ANPEP: variants seen among roughly 807,000 people sequenced by gnomAD.
ANPEP encodes aminopeptidase N.
ANPEP carries 70 observed loss-of-function variants against 114.6 expected under a neutral mutation model. That is an observed-to-expected ratio of 0.61 (90% CI 0.50 to 0.75). ANPEP has a LOEUF of 0.75. ANPEP is among the 30% of genes least tolerant of loss of function. The probability of loss-of-function intolerance (pLI) is 0.00; values close to 1 mark genes in which losing one functional copy is unlikely to be tolerated. For synonymous variants in ANPEP, 548 were observed against 522.3 expected, an observed-to-expected ratio of 1.05 and a Z score of -0.67; for missense variants, 1,184 against 1,259.5, an observed-to-expected ratio of 0.94 and a Z score of 0.91.
chr15:89,801,096 G>A lies in ANPEP; in HGVS notation c.1819+15C>T, dbSNP rs768291359. On this transcript the variant is annotated intron_variant, in intron 12 of 20. Transcript: ENST00000300060. Reference sequence around the variant, plus strand: ...TGGGGTGGGGGCTGCTGCCCATAAGGCAGGGCTGGATTACCTCTTACATCT... The same window carrying A: ...TGGGGTGGGGGCTGCTGCCCATAAGACAGGGCTGGATTACCTCTTACATCT... 2.5e-6 allele frequency: 4 copies of A among 1,612,722 alleles called. No homozygotes were observed. In the South Asian group the frequency reaches 4.4e-5, roughly 18 times the overall value.
At chr15:89,813,996 G>GGT (rs576314023) in intron 1 of ANPEP, among the ~76,000 whole-genome samples, 10,082 of 145,164 alleles carry the variant, frequency 0.069, 809 homozygotes, top group East Asian at 0.31. Context: ...ACTGCTGGGG[G>GGT]GGGGGGGTGC....
rs746242192 is a variant in ANPEP at position 89,792,206 on chromosome 15, G to C, written c.2482C>G (p.Leu828Val). ...NATLVNEADK[L>V]RAALACSKEL... ...TTGCTGCAGGCCAGGGCTGCCCGGA[G>C]CTTGTCAGCCTCATTGACCAGTGTG... Residue 828 changes from leucine (L) to valine (V), a missense_variant, in exon 18 of 21, where the codon CTC (leucine) becomes GTC (valine). Physicochemically the swap from Leu to Val is conservative, Grantham distance 32. Transcript: ENST00000300060. The C allele has an allele frequency of 1.2e-6, 2 of 1,614,232 alleles. No individual in the cohort carries two copies. The highest frequency in any genetic ancestry group is 1.1e-5 in the South Asian group (1 of 91,086).
At chr15:89,807,377 CAT>C (rs1290771062) in intron 1 of ANPEP, among the ~76,000 whole-genome samples, 1 of 152,178 alleles carries the variant, frequency 6.6e-6, no homozygotes, top group Non-Finnish European at 1.5e-5. Flanking sequence ...AGTGAGAAAA[CAT>C]ATTAAACACC....
Position 89,785,218 on chromosome 15 carries a change from G to T in ANPEP, c.*131C>A, listed in dbSNP as rs566786588. ...TGGCTCACAGGCAGAGAGAACGTGGGCTGGAGACTTTGTCCTTGAGGGGAG... is the reference window on the plus strand; with the variant it reads ...TGGCTCACAGGCAGAGAGAACGTGGTCTGGAGACTTTGTCCTTGAGGGGAG... On this transcript the variant is annotated 3_prime_UTR_variant, in exon 21 of 21. Transcript: ENST00000300060. 3.4e-4 allele frequency: 412 copies of T among 1,226,528 alleles called. 7 individuals are homozygous for T. The South Asian group carries it at 5.6e-3, about 17-fold the overall frequency. The allele number at this position is 1,226,528 out of a possible 1,614,324, so 76.0% of individuals were successfully genotyped here.
chr15:89,803,942 C>G lies in ANPEP; in HGVS notation c.1240G>C (p.Ala414Pro). ...GCACCCAGGTACTCCACGTAGGAGGCGAAGCCCTCGTTCAGCCACAGGTCA... is the reference window on the plus strand; with the variant it reads ...GCACCCAGGTACTCCACGTAGGAGGGGAAGCCCTCGTTCAGCCACAGGTCA... ...WNDLWLNEGFASYVEYLGADY... is the reference protein window; with the variant it reads ...WNDLWLNEGFPSYVEYLGADY... Residue 414 changes from alanine to proline, a missense_variant, in exon 7 of 21, where the codon GCC becomes CCC. Coordinates refer to ENST00000300060, the MANE Select transcript of ANPEP (RefSeq NM_001150.3). The surrounding 1 kb of genome is among the most constrained non-coding windows in gnomAD (Gnocchi z 4.2). 5.6e-6 allele frequency: 9 copies of G among 1,614,156 alleles called. No individual in the cohort carries two copies. Among genetic ancestry groups the G allele is most frequent in the Non-Finnish European group, 7.6e-6 (9 of 1,180,016 alleles).
chr15:89,805,927 G>A (rs770556642), intron 2 of ANPEP, 43 bp downstream of exon 2: 2 of 1,552,758 alleles, frequency 1.3e-6, no homozygotes, highest in Admixed American at 3.6e-5. Context: ...CCTTGCCTCA[G>A]CACCTCGGAT....
In ANPEP at chr15:89,805,338, G is replaced by A; in HGVS notation, c.740C>T (p.Ser247Phe). 2 of 1,614,084 alleles carry A rather than the reference G, an allele frequency of 1.2e-6. No individual in the cohort carries two copies. Among genetic ancestry groups the A allele is most frequent in the Non-Finnish European group, 1.7e-6 (2 of 1,179,974 alleles). ...LIHPKDLTALSNMLPKGPSTP... is the reference protein window; with the variant it reads ...LIHPKDLTALFNMLPKGPSTP... The stretch of plus-strand genomic sequence containing the variant: ...CCACTCACCTTTGGGAAGCATGTTG[G>A]ACAGGGCTGTCAGGTCCTTGGGGTG... Residue 247 changes from serine (S) to phenylalanine (F), a missense_variant, in exon 3 of 21, where the codon TCC (serine) becomes TTC (phenylalanine). Coordinates refer to ENST00000300060, the MANE Select transcript of ANPEP (RefSeq NM_001150.3).
At chr15:89,812,083 T>C (rs1894825888) in intron 1 of ANPEP, among the ~76,000 whole-genome samples, 1 of 152,094 alleles carries the variant, frequency 6.6e-6, no homozygotes, top group African/African-American at 2.4e-5. Context: ...GGCTCCTTGG[T>C]CTCAGATGTG....
chr15:89,792,905 CT>C, intron 16 of ANPEP, 129 bp downstream of exon 16: 1 of 826,866 alleles, frequency 1.2e-6, no homozygotes, highest in Non-Finnish European at 2.0e-6. Context: ...GACCTCCCTG[CT>C]CCTGGGTGGG....
intron 1 of ANPEP, among the ~76,000 whole-genome samples, chr15:89,807,930 A>C (rs1245311279): frequency 6.6e-6 from 1 of 152,122 alleles, no homozygotes; most frequent in Non-Finnish European, 1.5e-5. Flanking sequence ...CGCAAGATGC[A>C]CTTGGTCAAA....
At chr15:89,800,766 T>G (rs1246250430) in intron 12 of ANPEP, among the ~76,000 whole-genome samples, 1 of 152,022 alleles carries the variant, frequency 6.6e-6, no homozygotes, top group Non-Finnish European at 1.5e-5. Flanking sequence ...TCTCCATGTT[T>G]GTCAGGCTGG....
chr15:89,800,556 C>CTTTTTTTT lies in ANPEP; in HGVS notation c.1819+547_1819+554dup, dbSNP rs759889538. On this transcript the variant is annotated intron_variant, in intron 12 of 20. Transcript: ENST00000300060. ...TTAAGCATTTTATGTGGATTCTCTC[C>CTTTTTTTT]TTTTTTTTTTTTTTTTTTTTTTGAG... 1.1e-4 allele frequency among the ~76,000 whole-genome samples: 14 copies of CTTTTTTTT among 124,364 alleles called. 1 individual carries two copies. Among genetic ancestry groups the CTTTTTTTT allele is most frequent in the African/African-American group, 4.5e-4 (14 of 31,266 alleles). 81.6% of individuals were successfully genotyped at this position (124,364 alleles called of 152,430 possible).
intron 1 of ANPEP, among the ~76,000 whole-genome samples, chr15:89,810,173 T>C (rs1005523459): frequency 9.9e-5 from 15 of 151,632 alleles, no homozygotes; most frequent in African/African-American, 3.6e-4. Context: ...AGGTCAGGAG[T>C]TGGAGACCAG....
Position 89,806,178 on chromosome 15 carries a change from T to C in ANPEP, c.406A>G (p.Arg136Gly). Residue 136 changes from arginine to glycine, a missense_variant, in exon 2 of 21, where the codon AGG (arginine) becomes GGG (glycine). Transcript: ENST00000300060. The surrounding 1 kb of genome is among the most constrained non-coding windows in gnomAD (Gnocchi z 5.7). Reference protein sequence around the residue: ...KLNYTLSQGHRVVLRGVGGSQ... With the variant: ...KLNYTLSQGHGVVLRGVGGSQ... ...CCTCCCACACCACGCAGGACCACCCTGTGCCCCTGGCTGAGGGTGTAGTTG... is the reference window on the plus strand; with the variant it reads ...CCTCCCACACCACGCAGGACCACCCCGTGCCCCTGGCTGAGGGTGTAGTTG... 7 of 1,614,140 alleles carry C rather than the reference T, an allele frequency of 4.3e-6. No homozygotes were observed. Among genetic ancestry groups the C allele is most frequent in the Non-Finnish European group, 5.9e-6 (7 of 1,180,016 alleles).
Position 89,785,022 on chromosome 15 carries a change from G to A in ANPEP, c.*327C>T. 1 of 301,272 alleles carries A rather than the reference G, an allele frequency of 3.3e-6. No individual in the cohort carries two copies. Among genetic ancestry groups the A allele is most frequent in the Non-Finnish European group, 6.4e-6 (1 of 157,480 alleles). The allele number at this position is 301,272 out of a possible 1,614,324, so 18.7% of individuals were successfully genotyped here. A position where few individuals can be genotyped will look rare whatever the true frequency, so the allele number is the denominator to read the frequency against. ...AGGGTACAGGGCGGCCCCCAGCAAG[G>A]CCGTTCATTGTCCATCGAGAGCTTC... is the stretch of plus-strand genomic sequence containing the variant. On this transcript the variant is annotated 3_prime_UTR_variant, in exon 21 of 21. Coordinates refer to ENST00000300060, the MANE Select transcript of ANPEP (RefSeq NM_001150.3).
chr15:89,798,424 G>T (rs997984431), intron 14 of ANPEP, among the ~76,000 whole-genome samples: 38 of 152,112 alleles, frequency 2.5e-4, no homozygotes, highest in Non-Finnish European at 8.8e-5. Flanking sequence ...ATCACCTGAG[G>T]TCAGGAGTTT....
In ANPEP at chr15:89,804,498, T is replaced by G. The variant is rs752806558; in HGVS notation, c.1017A>C (p.Pro339=). The G allele has an allele frequency of 6.2e-7, 1 of 1,614,056 alleles. No homozygotes were observed. The highest frequency in any genetic ancestry group is 8.5e-7 in the Non-Finnish European group (1 of 1,180,030). Residue 339 remains proline (P), a synonymous_variant, in exon 5 of 21, where the codon CCA becomes CCC. Coordinates refer to ENST00000300060, the MANE Select transcript of ANPEP (RefSeq NM_001150.3). ...AGHYDTPYPL[P]KSDQIGLPDF... is the part of the protein sequence containing the mutation. ...TCAAGGACCCCCACTCACCTGATTT[T>G]GGGAGTGGGTAGGGTGTGTCATAAT...
chr15:89,801,116 AC>A lies in ANPEP; in HGVS notation c.1813del (p.Val605Ter). On this transcript the variant is annotated frameshift_variant, in exon 12 of 21. Coordinates refer to ENST00000300060, the MANE Select transcript of ANPEP (RefSeq NM_001150.3). LOFTEE classifies it high-confidence loss of function. ...ATAAGGCAGGGCTGGATTACCTCTT[AC>A]ATCTATCAGCCAGTAGTCCTGCTGC... ...RQQQDYWLID[V>X]RAQNDLFSTS... The A allele has an allele frequency of 6.2e-7, 1 of 1,614,102 alleles. No homozygotes were observed. Among genetic ancestry groups the A allele is most frequent in the South Asian group, 1.1e-5 (1 of 91,076 alleles).
chr15:89,791,018 G>A lies in ANPEP; in HGVS notation c.2604C>T (p.Asn868=), dbSNP rs1012837008. The change falls in exon 19 of 21, where the codon AAC becomes AAT. Residue 868 remains asparagine (N), a synonymous_variant. Transcript: ENST00000300060. ...AGACCAGACCTTGCCCAATGACGTTGTTGGTAATGCTGATGATGGTAGAGG... is the reference window on the plus strand; with the variant it reads ...AGACCAGACCTTGCCCAATGACGTTATTGGTAATGCTGATGATGGTAGAGG... ...DATSTIISIT[N]NVIGQGLVWD... is the part of the protein sequence containing the mutation. The A allele has an allele frequency of 1.9e-6, 3 of 1,614,230 alleles. No individual in the cohort carries two copies. Among genetic ancestry groups the A allele is most frequent in the Non-Finnish European group, 2.5e-6 (3 of 1,180,048 alleles).
Sources: allele counts gnomAD v4.1 joint callset (sites outside exome capture counted in the v4.1 genomes callset), GRCh38; gene constraint gnomAD v4.1.1; non-coding constraint Gnocchi (gnomAD v3.1); transcripts MANE v1.5; gene names NCBI Gene and HGNC (gene_info 2026-07-23, HGNC 2026-07-21).